The following KATNA1 variants were observed in gnomAD, a reference collection of about 807,000 sequenced individuals.
KATNA1 encodes the protein katanin catalytic subunit A1.
In KATNA1, 42 loss-of-function variants were observed where a neutral mutation model predicts 62.6. The observed-to-expected ratio is 0.67, with a 90% CI of 0.52 to 0.87. KATNA1 has a LOEUF of 0.87. KATNA1 is among the 40% of genes least tolerant of loss of function. The pLI is 0.00. For missense variants in KATNA1, 498 were observed against 612.5 expected (o/e 0.81, Z 1.97); for synonymous variants, 186 against 201.9 (o/e 0.92, Z 0.67).
intron 3 of KATNA1, among the ~76,000 whole-genome samples, chr6:149,628,595 G>A (rs1250033672): frequency 2.0e-5 from 3 of 152,012 alleles, no homozygotes. Flanking sequence ...GCCAAGGCAG[G>A]TGGATCACGA....
At chr6:149,636,906 T>C (rs1780085121) in intron 2 of KATNA1, among the ~76,000 whole-genome samples, 1 of 152,040 alleles carries the variant, frequency 6.6e-6, no homozygotes, top group Admixed American at 6.6e-5. Context: ...CCTCCCAAAG[T>C]GCTGGGATTA....
chr6:149,594,988 A>C lies in KATNA1; in HGVS notation c.*48T>G, dbSNP rs1172207928. Reference sequence around the variant, plus strand: ...CTCAGTACAATGAATTACTGCATTTAATATTCAAACACTTAAGGCACATTT... The same window carrying C: ...CTCAGTACAATGAATTACTGCATTTCATATTCAAACACTTAAGGCACATTT... On this transcript the variant is annotated 3_prime_UTR_variant, in exon 11 of 11. Transcript: ENST00000367411. 9.8e-6 allele frequency: 14 copies of C among 1,428,108 alleles called. No homozygotes were observed. Among genetic ancestry groups the C allele is most frequent in the Admixed American group, 1.7e-5 (1 of 57,666 alleles). 88.5% of individuals were successfully genotyped at this position (1,428,108 alleles called of 1,614,324 possible).
At position 149,623,269 on chromosome 6, in the gene KATNA1, G is replaced by C; in HGVS notation, c.335C>G (p.Pro112Arg). The change falls in exon 4 of 11, where the codon CCT becomes CGT. Residue 112 changes from proline to arginine, a missense_variant. Physicochemically the swap from Pro to Arg is moderately radical, Grantham distance 103. Coordinates refer to ENST00000367411, the MANE Select transcript of KATNA1 (RefSeq NM_007044.4). Reference sequence around the variant, plus strand: ...GTACTGAGAAGATTGGCGTTTTCTAGGTCCTGGTGAGGGTCTAATCAAACA... The same window carrying C: ...GTACTGAGAAGATTGGCGTTTTCTACGTCCTGGTGAGGGTCTAATCAAACA... ...VPVERRPSPG[P>R]RKRQSSQYSD... is the part of the protein sequence containing the mutation. 6.3e-7 allele frequency: 1 copy of C among 1,596,680 alleles called. No homozygotes were observed. The highest frequency in any genetic ancestry group is 8.5e-7 in the Non-Finnish European group (1 of 1,175,592).
chr6:149,596,017 C>G (rs1175527582), intron 10 of KATNA1, among the ~76,000 whole-genome samples: 3 of 152,170 alleles, frequency 2.0e-5, no homozygotes, highest in African/African-American at 7.2e-5. Flanking sequence ...CAATATATTT[C>G]ACAGTCATTT....
In KATNA1 at chr6:149,634,788, AG is replaced by A. The variant is rs1314545169; in HGVS notation, c.163-1873del. On this transcript the variant is annotated intron_variant, in intron 2 of 10. Transcript: ENST00000367411. ...AATCAAAATATAATGTGTATGCCCAAGATATGTACAACTATTATATATCAGT... is the reference window on the plus strand; with the variant it reads ...AATCAAAATATAATGTGTATGCCCAAATATGTACAACTATTATATATCAGT... 3.3e-5 allele frequency among the ~76,000 whole-genome samples: 5 copies of A among 152,366 alleles called. No homozygotes were observed. In the East Asian group the frequency reaches 7.7e-4, roughly 23 times the overall value.
chr6:149,630,655 G>A (rs1182070101), intron 3 of KATNA1, among the ~76,000 whole-genome samples: 1 of 151,882 alleles, frequency 6.6e-6, no homozygotes, highest in Non-Finnish European at 1.5e-5. Flanking sequence ...AAATAAAAGT[G>A]GCTAAGAAAT....
rs1778240738 is a variant in KATNA1, at chr6:149,594,982, G to A, written c.*54C>T. The A allele has an allele frequency of 1.5e-6, 2 of 1,362,612 alleles. No individual in the cohort carries two copies. The highest frequency in any genetic ancestry group is 2.1e-6 in the Non-Finnish European group (2 of 958,886). 84.4% of individuals were successfully genotyped at this position (1,362,612 alleles called of 1,614,324 possible). ...ATAGCACTCAGTACAATGAATTACT[G>A]CATTTAATATTCAAACACTTAAGGC... is the stretch of plus-strand genomic sequence containing the variant. On this transcript the variant is annotated 3_prime_UTR_variant, in exon 11 of 11. Transcript: ENST00000367411.
At chr6:149,632,982 G>A (rs1168032689) in intron 2 of KATNA1, 66 bp from the exon 3 acceptor site, 2 of 1,253,044 alleles carry the variant, frequency 1.6e-6, no homozygotes, top group African/African-American at 3.1e-5. Flanking sequence ...ATTAAATGAG[G>A]GCCATTTACT....
At position 149,597,910 on chromosome 6, in the gene KATNA1, C is replaced by T. The variant is rs560442375; in HGVS notation, c.1016-269G>A. On this transcript the variant is annotated intron_variant, in intron 8 of 10. Coordinates refer to ENST00000367411, the MANE Select transcript of KATNA1 (RefSeq NM_007044.4). ...TAACAATTTTAAATCTTTTTCAAAGCGTACATAAACTCTAAGGCCAATTTA... is the reference window on the plus strand; with the variant it reads ...TAACAATTTTAAATCTTTTTCAAAGTGTACATAAACTCTAAGGCCAATTTA... 25 of 458,706 alleles carry T rather than the reference C, an allele frequency of 5.5e-5. No individual in the cohort carries two copies. In the South Asian group the frequency reaches 6.7e-4, roughly 12 times the overall value. The allele number at this position is 458,706 out of a possible 1,614,324, so 28.4% of individuals were successfully genotyped here. A position where few individuals can be genotyped will look rare whatever the true frequency, so the allele number is the denominator to read the frequency against.
chr6:149,596,930 A>T lies in KATNA1; in HGVS notation c.1277+133T>A, dbSNP rs1366447448. ...CTTGAGCCCAGGAGTTTCAGGCTGC[A>T]GTAAGCTGTGACTGCGCCTCTACTC... On this transcript the variant is annotated intron_variant, in intron 10 of 10. Coordinates refer to ENST00000367411, the MANE Select transcript of KATNA1 (RefSeq NM_007044.4). 3.9e-6 allele frequency: 3 copies of T among 777,586 alleles called. No homozygotes were observed. The African/African-American group carries it at 5.2e-5, about 14-fold the overall frequency. 48.2% of individuals were successfully genotyped at this position (777,586 alleles called of 1,614,324 possible).
intron 7 of KATNA1, among the ~76,000 whole-genome samples, chr6:149,599,276 C>G (rs1778443200): frequency 2.0e-5 from 3 of 151,272 alleles, no homozygotes; most frequent in Admixed American, 2.0e-4. Context: ...ATTAAAACAT[C>G]CAAGAAAATT....
In KATNA1 at chr6:149,645,833, G is replaced by A. The variant is rs1029043740; in HGVS notation, c.-14+2636C>T. On this transcript the variant is annotated intron_variant, in intron 1 of 10. Coordinates refer to ENST00000367411, the MANE Select transcript of KATNA1 (RefSeq NM_007044.4). ...TCGCAATTTTACAGCAAATTTTCTA[G>A]CAATATAGTATGTGATGCAGTGCTG... is the stretch of plus-strand genomic sequence containing the variant. Among the ~76,000 whole-genome samples the A allele has an allele frequency of 2.0e-5, 3 of 151,618 alleles. No homozygotes were observed. The South Asian group carries it at 6.2e-4, about 31-fold the overall frequency.
chr6:149,599,430 A>C lies in KATNA1; in HGVS notation c.889-1080T>G, dbSNP rs73781252. On this transcript the variant is annotated intron_variant, in intron 7 of 10. Coordinates refer to ENST00000367411, the MANE Select transcript of KATNA1 (RefSeq NM_007044.4). The stretch of plus-strand genomic sequence containing the variant: ...TATGTAGAATGATCTGACTTCAAGG[A>C]AAGGCTATGTGTCCTGGGTTTAGCT... Among the ~76,000 whole-genome samples, 544 of 152,270 alleles carry C rather than the reference A, an allele frequency of 3.6e-3. 2 individuals carry two copies. Among genetic ancestry groups the C allele is most frequent in the African/African-American group, 0.013 (520 of 41,566 alleles).
At chr6:149,633,221 C>T (rs1348290276) in intron 2 of KATNA1, among the ~76,000 whole-genome samples, 1 of 150,648 alleles carries the variant, frequency 6.6e-6, no homozygotes, top group Non-Finnish European at 1.5e-5. Context: ...CATTCTCCTG[C>T]CTCAGCCTCC....
chr6:149,642,818 T>C (rs1166088750), intron 1 of KATNA1, among the ~76,000 whole-genome samples: 1 of 151,918 alleles, frequency 6.6e-6, no homozygotes, highest in Non-Finnish European at 1.5e-5. Context: ...AGGAGGAAAA[T>C]ATGTGAGTGG....
chr6:149,598,176 C>T, intron 8 of KATNA1, 48 bp downstream of exon 8: 1 of 1,605,062 alleles, frequency 6.2e-7, no homozygotes, highest in Non-Finnish European at 8.5e-7. Context: ...GGAGACACCA[C>T]ACCTAACAAC....
chr6:149,622,727 A>G (rs1465615722), intron 4 of KATNA1, among the ~76,000 whole-genome samples: 1 of 125,492 alleles, frequency 8.0e-6, no homozygotes, highest in Admixed American at 1.0e-4. Flanking sequence ...ACAATGGCTC[A>G]CACCTGTAAT....
intron 1 of KATNA1, among the ~76,000 whole-genome samples, chr6:149,647,148 GT>G (rs938604241): frequency 1.7e-3 from 241 of 145,026 alleles, no homozygotes; most frequent in African/African-American, 5.0e-3. Flanking sequence ...ACTACTGCGT[GT>G]TTTTTTTTTT....
chr6:149,626,292 C>T (rs1348258604), intron 3 of KATNA1, among the ~76,000 whole-genome samples: 42 of 88,690 alleles, frequency 4.7e-4, no homozygotes, highest in Admixed American at 9.9e-4. Context: ...ATAACATTTA[C>T]TTTTTTTTTT....
Sources: allele counts gnomAD v4.1 joint callset (sites outside exome capture counted in the v4.1 genomes callset), GRCh38; gene constraint gnomAD v4.1.1; transcripts MANE v1.5; gene names NCBI Gene and HGNC (gene_info 2026-07-23, HGNC 2026-07-21).